PTPN14: variants seen among roughly 807,000 people sequenced by gnomAD.
PTPN14 encodes tyrosine-protein phosphatase non-receptor type 14.
In PTPN14, 53 loss-of-function variants were observed where a neutral mutation model predicts 126.8. The ratio of observed to expected loss-of-function variants is 0.42; its 90% CI spans 0.34 to 0.53. The LOEUF (loss-of-function observed/expected upper bound fraction) is 0.53. Ranked by LOEUF, PTPN14 falls within the 20% of genes least tolerant of loss-of-function variation. The probability of loss-of-function intolerance (pLI) is 0.08; values close to 1 mark genes in which losing one functional copy is unlikely to be tolerated. For synonymous variants in PTPN14, 630 were observed against 599.3 expected, an observed-to-expected ratio of 1.05 and a Z score of -0.75; for missense variants, 1,257 against 1,552.9, an observed-to-expected ratio of 0.81 and a Z score of 3.20.
rs145898961 is a variant in PTPN14, at chr1:214,522,935, G to A, written c.-155+28248C>T. Reference sequence around the variant, plus strand: ...CTGAGGAGAAAGAAGGCAGTCACTCGGCCTATTCAGAAGCAGGGAAACACT... The same window carrying A: ...CTGAGGAGAAAGAAGGCAGTCACTCAGCCTATTCAGAAGCAGGGAAACACT... On this transcript the variant is annotated intron_variant, in intron 1 of 18. Transcript: ENST00000366956. Among the ~76,000 whole-genome samples the A allele has an allele frequency of 3.7e-3, 559 of 152,258 alleles. 1 individual carries two copies. Among genetic ancestry groups the A allele is most frequent in the South Asian group, 9.3e-3 (45 of 4,826 alleles).
chr1:214,447,596 C>T lies in PTPN14; in HGVS notation c.344+4209G>A, dbSNP rs998980560. Reference sequence around the variant, plus strand: ...ACATTTTTTTTTTCTCATGTTCCTCCATATTCCCAGCTTAAATCTTTTACT... The same window carrying T: ...ACATTTTTTTTTTCTCATGTTCCTCTATATTCCCAGCTTAAATCTTTTACT... On this transcript the variant is annotated intron_variant, in intron 3 of 18. Coordinates refer to ENST00000366956, the MANE Select transcript of PTPN14 (RefSeq NM_005401.5). 2.6e-5 allele frequency among the ~76,000 whole-genome samples: 4 copies of T among 151,838 alleles called. No individual in the cohort carries two copies. In the South Asian group the frequency reaches 8.3e-4, roughly 32 times the overall value.
intron 18 of PTPN14, among the ~76,000 whole-genome samples, chr1:214,360,426 C>T (rs1038972782): frequency 7.2e-5 from 11 of 152,176 alleles, no homozygotes; most frequent in Non-Finnish European, 1.2e-4. Context: ...AACTATGAAT[C>T]AAAATACAGA....
At chr1:214,362,233 T>C (rs1296529457) in intron 18 of PTPN14, among the ~76,000 whole-genome samples, 1 of 152,186 alleles carries the variant, frequency 6.6e-6, no homozygotes, top group East Asian at 1.9e-4. Context: ...CCGCTAACCA[T>C]CTACCAATAG....
chr1:214,494,245 A>C (rs1327174610), intron 1 of PTPN14, among the ~76,000 whole-genome samples: 1 of 152,100 alleles, frequency 6.6e-6, no homozygotes, highest in Non-Finnish European at 1.5e-5. Flanking sequence ...TTTTTAGTAG[A>C]GACAGGGTTT....
intron 6 of PTPN14, among the ~76,000 whole-genome samples, chr1:214,402,100 T>A (rs1659031799): frequency 6.6e-6 from 1 of 150,936 alleles, no homozygotes; most frequent in Non-Finnish European, 1.5e-5. Context: ...CTGGGAGAAA[T>A]CTTCATTATT....
At chr1:214,485,286 C>T (rs1297477457) in intron 1 of PTPN14, among the ~76,000 whole-genome samples, 1 of 152,182 alleles carries the variant, frequency 6.6e-6, no homozygotes, top group African/African-American at 2.4e-5. Context: ...TCCCAGGAAG[C>T]TGCCACAAGA....
chr1:214,470,122 A>G (rs1319671555), intron 1 of PTPN14, among the ~76,000 whole-genome samples: 1 of 23,148 alleles, frequency 4.3e-5, no homozygotes, highest in Non-Finnish European at 8.2e-5. Flanking sequence ...CTTTGACCCT[A>G]CAAAATAAAA....
At chr1:214,481,089 A>G (rs1660974465) in intron 1 of PTPN14, among the ~76,000 whole-genome samples, 1 of 152,212 alleles carries the variant, frequency 6.6e-6, no homozygotes, top group African/African-American at 2.4e-5. Context: ...ATAATGGCTC[A>G]AAGAGAAAAT....
chr1:214,414,583 C>A, intron 4 of PTPN14, 46 bp downstream of exon 4: 1 of 1,539,304 alleles, frequency 6.5e-7, no homozygotes, highest in South Asian at 1.1e-5. Flanking sequence ...ACACCATGAT[C>A]AAACAGAAAA....
intron 5 of PTPN14, among the ~76,000 whole-genome samples, chr1:214,406,442 C>A (rs938842019): frequency 1.3e-5 from 2 of 151,276 alleles, no homozygotes; most frequent in Non-Finnish European, 2.9e-5. Flanking sequence ...GATTGCGCCA[C>A]CGCACTCCAG....
intron 1 of PTPN14, among the ~76,000 whole-genome samples, chr1:214,520,063 A>ATATATATATATATATAT (rs1173435556): frequency 6.4e-5 from 5 of 78,094 alleles, no homozygotes; most frequent in East Asian, 1.2e-3. Context: ...AAAAAAAAAA[A>ATATATATATATATATAT]AAATATATAT....
intron 18 of PTPN14, among the ~76,000 whole-genome samples, chr1:214,359,043 C>T (rs1356307477): frequency 1.3e-5 from 2 of 152,048 alleles, no homozygotes; most frequent in Middle Eastern, 3.4e-3. Flanking sequence ...CCCGCCTGAC[C>T]TCATTATTCC....
At chr1:214,362,165 G>A (rs1460007815) in intron 18 of PTPN14, among the ~76,000 whole-genome samples, 3 of 152,242 alleles carry the variant, frequency 2.0e-5, no homozygotes, top group Admixed American at 6.5e-5. Context: ...TGAAATAGGG[G>A]CTTGGATCTT....
intron 15 of PTPN14, among the ~76,000 whole-genome samples, chr1:214,375,636 TAAC>T (rs1658327117): frequency 6.6e-6 from 1 of 152,174 alleles, no homozygotes; most frequent in Non-Finnish European, 1.5e-5. Context: ...GTATTTGAAA[TAAC>T]AACAAAAATT....
chr1:214,532,623 T>C (rs1655582713), intron 1 of PTPN14: 3 of 908,744 alleles, frequency 3.3e-6, no homozygotes, highest in African/African-American at 3.3e-5. Context: ...CTGTGGACAA[T>C]GCCTGCATCG....
chr1:214,393,611 GAA>G, intron 10 of PTPN14, 82 bp downstream of exon 10: 2 of 1,103,668 alleles, frequency 1.8e-6, no homozygotes, highest in Non-Finnish European at 2.7e-6. Flanking sequence ...GAGTGAATAG[GAA>G]AAGAGATCTA....
intron 2 of PTPN14, among the ~76,000 whole-genome samples, chr1:214,453,441 C>G (rs1470699486): frequency 6.6e-6 from 1 of 152,176 alleles, no homozygotes; most frequent in South Asian, 2.1e-4. Context: ...AGTCATTGAG[C>G]CTTCTAGACT....
chr1:214,429,542 C>T (rs1659749924), intron 3 of PTPN14, among the ~76,000 whole-genome samples: 1 of 152,218 alleles, frequency 6.6e-6, no homozygotes, highest in Non-Finnish European at 1.5e-5. Flanking sequence ...AGATCAAGGA[C>T]TTCATCTGTT....
rs376896570 is a variant in PTPN14 at position 214,384,762 on chromosome 1, C to A, written c.1093G>T (p.Ala365Ser). The change falls in exon 13 of 19, where the codon GCC (alanine) becomes TCC (serine). Residue 365 changes from alanine (A) to serine (S), a missense_variant. This residue lies in a region of PTPN14 where 1,021 missense variants were observed against 1,183.3 expected (regional missense o/e 0.86). Transcript: ENST00000366956. This position sits in a 1 kb window ranked among gnomAD's most constrained non-coding sequence, Gnocchi z 5.3. Reference protein sequence around the residue: ...QDSIFHGNEEALYCNSHNSLD... With the variant: ...QDSIFHGNEESLYCNSHNSLD... ...CTGTTGTGAGAGTTGCAATACAAGG[C>A]TTCTTCATTCCCATGAAAAATGCTG... 18 of 1,613,248 alleles carry A rather than the reference C, an allele frequency of 1.1e-5. No homozygotes were observed. Among genetic ancestry groups the A allele is most frequent in the African/African-American group, 9.3e-5 (7 of 74,896 alleles).
Sources: allele counts gnomAD v4.1 joint callset (sites outside exome capture counted in the v4.1 genomes callset), GRCh38; gene constraint gnomAD v4.1.1; regional missense constraint gnomAD v4.1.1; non-coding constraint Gnocchi (gnomAD v3.1); transcripts MANE v1.5; gene names NCBI Gene and HGNC (gene_info 2026-07-23, HGNC 2026-07-21).